Variants in CMPK1 observed in about 807,000 individuals in gnomAD.
The protein encoded by CMPK1 is cytidine/uridine monophosphate kinase 1.
Under a neutral mutation model 25.7 loss-of-function variants are expected in CMPK1, and 10 were observed. That is an observed-to-expected ratio of 0.39 (90% CI 0.24 to 0.66). The LOEUF is 0.66. Ranked by LOEUF, CMPK1 falls within the 30% of genes least tolerant of loss-of-function variation. The probability of loss-of-function intolerance (pLI) is 0.48; values close to 1 mark genes in which losing one functional copy is unlikely to be tolerated. For missense variants in CMPK1, 199 were observed against 280.5 expected, an observed-to-expected ratio of 0.71 and a Z score of 2.08; for synonymous variants, 106 against 101.5, an observed-to-expected ratio of 1.04 and a Z score of -0.27.
intron 1 of CMPK1, among the ~76,000 whole-genome samples, chr1:47,339,395 C>A (rs1215059398): frequency 6.6e-6 from 1 of 152,196 alleles, no homozygotes; most frequent in African/African-American, 2.4e-5. Context: ...ATCCTACTTA[C>A]TGCACTTAGA....
intron 1 of CMPK1, among the ~76,000 whole-genome samples, 185 bp downstream of exon 1, chr1:47,334,301 C>T (rs1646379513): frequency 6.6e-6 from 1 of 151,886 alleles, no homozygotes; most frequent in African/African-American, 2.4e-5. Context: ...GACTTGTAGT[C>T]CGCGCCCGCC....
chr1:47,347,552 C>T (rs1646494096), intron 1 of CMPK1, among the ~76,000 whole-genome samples: 1 of 152,164 alleles, frequency 6.6e-6, no homozygotes, highest in South Asian at 2.1e-4. Context: ...ACAGCAATAG[C>T]CCATAAAATC....
In CMPK1 at chr1:47,375,287, T is replaced by G; in HGVS notation, c.639T>G (p.Val213=). 1 of 1,575,786 alleles carries G rather than the reference T, an allele frequency of 6.3e-7. No individual in the cohort carries two copies. Among genetic ancestry groups the G allele is most frequent in the African/African-American group, 1.4e-5 (1 of 73,228 alleles). Residue 213 remains valine (V), a synonymous_variant, in exon 5 of 6, where the codon GTT becomes GTG. Coordinates refer to ENST00000371873, the MANE Select transcript of CMPK1 (RefSeq NM_016308.3). Reference sequence around the variant, plus strand: ...AGAAAATAGATGCTTCTAAATCTGTTGATGAAGTAAGTGTTCCTAGCCTGT... The same window carrying G: ...AGAAAATAGATGCTTCTAAATCTGTGGATGAAGTAAGTGTTCCTAGCCTGT... ...KVKKIDASKS[V]DEVFDEVVQI... is the part of the protein sequence containing the mutation.
At position 47,333,961 on chromosome 1, in the gene CMPK1, C is replaced by T. The variant is rs1646374889; in HGVS notation, c.16C>T (p.Arg6Cys). 2 of 1,490,524 alleles carry T rather than the reference C, an allele frequency of 1.3e-6. No individual in the cohort carries two copies. Among genetic ancestry groups the T allele is most frequent in the African/African-American group, 1.4e-5 (1 of 69,044 alleles). The allele number at this position is 1,490,524 out of a possible 1,614,324, so 92.3% of individuals were successfully genotyped here. The change falls in exon 1 of 6, where the codon CGC becomes TGC. Residue 6 changes from arginine to cysteine, a missense_variant. This residue lies in a region of CMPK1 where 59 missense variants were observed against 45.1 expected (regional missense o/e 1.31). Transcript: ENST00000371873. MLSRC[R>C]SGLLHVLGLS... is the part of the protein sequence containing the mutation. ...GGCGCGGTGTATGCTGAGCCGCTGCCGCAGCGGGCTGCTCCACGTCCTGGG... is the reference window on the plus strand; with the variant it reads ...GGCGCGGTGTATGCTGAGCCGCTGCTGCAGCGGGCTGCTCCACGTCCTGGG...
chr1:47,369,237 C>T (rs1387284955), intron 2 of CMPK1, among the ~76,000 whole-genome samples: 1 of 152,070 alleles, frequency 6.6e-6, no homozygotes, highest in Admixed American at 6.6e-5. Flanking sequence ...AACTCCTGGG[C>T]TCAAGTGATC....
At chr1:47,338,742 A>G (rs1173131086) in intron 1 of CMPK1, among the ~76,000 whole-genome samples, 1 of 151,894 alleles carries the variant, frequency 6.6e-6, no homozygotes, top group African/African-American at 2.4e-5. Flanking sequence ...TCAGTGTGAT[A>G]CTTAGAGTTA....
intron 2 of CMPK1, among the ~76,000 whole-genome samples, chr1:47,371,056 T>C (rs933486879): frequency 5.0e-4 from 76 of 152,228 alleles, no homozygotes; most frequent in African/African-American, 1.7e-3. Flanking sequence ...ACTATAATCA[T>C]TAACAGGTAT....
chr1:47,349,027 G>A (rs1378194384), intron 1 of CMPK1, among the ~76,000 whole-genome samples: 1 of 152,180 alleles, frequency 6.6e-6, no homozygotes, highest in African/African-American at 2.4e-5. Context: ...TGTTTCAGAA[G>A]TGGGGAAAGG....
intron 1 of CMPK1, 53 bp from the exon 2 acceptor site, chr1:47,368,416 C>T: frequency 6.8e-7 from 1 of 1,470,424 alleles, no homozygotes; most frequent in Non-Finnish European, 9.1e-7. Flanking sequence ...AAGTATAGTC[C>T]TACCACTGGG....
intron 1 of CMPK1, among the ~76,000 whole-genome samples, chr1:47,360,263 C>A (rs529444280): frequency 3.3e-5 from 5 of 152,134 alleles, no homozygotes; most frequent in African/African-American, 1.2e-4. Flanking sequence ...CAAATTGATT[C>A]AAAATGGCTG....
intron 1 of CMPK1, among the ~76,000 whole-genome samples, chr1:47,336,895 T>C (rs201434995): frequency 6.6e-6 from 1 of 152,252 alleles, no homozygotes; most frequent in Non-Finnish European, 1.5e-5. Context: ...TGAATGCATT[T>C]AAATACAGTA....
In CMPK1 at chr1:47,361,626, A is replaced by AT. The variant is rs367737276; in HGVS notation, c.172-6837dup. Among the ~76,000 whole-genome samples, 719 of 148,436 alleles carry AT rather than the reference A, an allele frequency of 4.8e-3. 5 individuals carry two copies. Among genetic ancestry groups the AT allele is most frequent in the African/African-American group, 0.016 (660 of 40,326 alleles). ...GGGTCTGATAATTTGCAAGAGTGTG[A>AT]TTTTTTCTTGTAGCCGTAGGAATTT... is the stretch of plus-strand genomic sequence containing the variant. On this transcript the variant is annotated intron_variant, in intron 1 of 5. Transcript: ENST00000371873.
chr1:47,340,235 A>G (rs887759750), intron 1 of CMPK1, among the ~76,000 whole-genome samples: 4 of 151,438 alleles, frequency 2.6e-5, no homozygotes, highest in South Asian at 2.1e-4. Context: ...CTACAGGTGC[A>G]TGCCACCATG....
intron 1 of CMPK1, among the ~76,000 whole-genome samples, chr1:47,363,257 A>C (rs1376376155): frequency 6.6e-6 from 1 of 152,174 alleles, no homozygotes. Context: ...ATGCTTTCAC[A>C]CCATTGTAAA....
intron 1 of CMPK1, among the ~76,000 whole-genome samples, chr1:47,343,886 CAAA>C (rs764742980): frequency 1.9e-5 from 2 of 107,864 alleles, no homozygotes; most frequent in Non-Finnish European, 2.0e-5. Flanking sequence ...GACTCCGTCT[CAAA>C]AAAAAAAAAA....
chr1:47,358,232 C>A, intron 1 of CMPK1: 2 of 453,448 alleles, frequency 4.4e-6, no homozygotes, highest in Non-Finnish European at 8.8e-6. Flanking sequence ...CTTGGCTGAG[C>A]CTTCCGAGTA....
At position 47,345,518 on chromosome 1, in the gene CMPK1, G is replaced by C. The variant is rs892513254; in HGVS notation, c.171+11402G>C. On this transcript the variant is annotated intron_variant, in intron 1 of 5. Transcript: ENST00000371873. ...TTTCTTTTTTTTTTTTTTTGAGACAGAGTCTCACTCTGTTGCCCAGGCTGG... is the reference window on the plus strand; with the variant it reads ...TTTCTTTTTTTTTTTTTTTGAGACACAGTCTCACTCTGTTGCCCAGGCTGG... Among the ~76,000 whole-genome samples the C allele has an allele frequency of 1.2e-3, 179 of 144,446 alleles. 1 individual carries two copies. The highest frequency in any genetic ancestry group is 4.5e-3 in the African/African-American group (176 of 38,696). The allele number at this position is 144,446 out of a possible 152,430, so 94.8% of individuals were successfully genotyped here.
intron 1 of CMPK1, among the ~76,000 whole-genome samples, chr1:47,334,910 C>G (rs1302150789): frequency 6.6e-6 from 1 of 152,210 alleles, no homozygotes; most frequent in Non-Finnish European, 1.5e-5. Context: ...AAACACCTCC[C>G]AAATGTAAAA....
intron 3 of CMPK1, 131 bp downstream of exon 3, chr1:47,373,238 C>T (rs146854078): frequency 7.0e-5 from 52 of 738,456 alleles, no homozygotes; most frequent in African/African-American, 2.3e-4. Context: ...ATTGGATGGA[C>T]GGAACAGCAC....
Sources: allele counts gnomAD v4.1 joint callset (sites outside exome capture counted in the v4.1 genomes callset), GRCh38; gene constraint gnomAD v4.1.1; regional missense constraint gnomAD v4.1.1; transcripts MANE v1.5; gene names NCBI Gene and HGNC (gene_info 2026-07-23, HGNC 2026-07-21).